The following NUP210L variants were observed in gnomAD, a reference collection of about 807,000 sequenced individuals.
The protein encoded by NUP210L is nuclear pore membrane glycoprotein 210-like.
NUP210L carries 74 observed loss-of-function variants against 208.5 expected under a neutral mutation model. The ratio of observed to expected loss-of-function variants is 0.35; its 90% confidence interval spans 0.29 to 0.43. NUP210L has a LOEUF of 0.43. Among genes scored for constraint, NUP210L ranks in the 20% least tolerant of loss-of-function variants. The pLI is 1.00. For missense variants in NUP210L, 1,843 were observed against 2,289.4 expected, an observed-to-expected ratio of 0.81 and a Z score of 3.98; for synonymous variants, 780 against 816.9, an observed-to-expected ratio of 0.95 and a Z score of 0.77.
chr1:154,046,095 A>G, exon 27 of NUP210L: 1 of 1,614,192 alleles, frequency 6.2e-7, no homozygotes, highest in Non-Finnish European at 8.5e-7. Context: ...ACTAGATCCA[A>G]TACATCCCTT....
intron 12 of NUP210L, among the ~76,000 whole-genome samples, chr1:154,109,946 A>T (rs1656956461): frequency 6.6e-6 from 1 of 151,482 alleles, no homozygotes; most frequent in Non-Finnish European, 1.5e-5. Flanking sequence ...ACATCAAAAA[A>T]GTAGAGGCCA....
At chr1:154,050,267 C>T (rs1235992277) in intron 25 of NUP210L, among the ~76,000 whole-genome samples, 2 of 152,132 alleles carry the variant, frequency 1.3e-5, no homozygotes, top group African/African-American at 4.8e-5. Flanking sequence ...TGGATATGAC[C>T]TGCTCTAGGC....
rs1007477132 is a variant in NUP210L, at chr1:154,010,463, T to C, written c.4781-342A>G. Among the ~76,000 whole-genome samples the C allele has an allele frequency of 1.4e-4, 21 of 152,230 alleles. No homozygotes were observed. In the Middle Eastern group the frequency reaches 0.01, roughly 74 times the overall value. Reference sequence around the variant, plus strand: ...ATTTTGGCTCACTGCAACTTCCATCTCCCGGTTCAGGCAATTCTTCCTGCC... The same window carrying C: ...ATTTTGGCTCACTGCAACTTCCATCCCCCGGTTCAGGCAATTCTTCCTGCC... On this transcript the variant is annotated intron_variant, in intron 34 of 39. Coordinates refer to ENST00000368559, the Ensembl canonical transcript of NUP210L.
chr1:154,125,444 T>C (rs1336292237), intron 10 of NUP210L, among the ~76,000 whole-genome samples: 1 of 150,678 alleles, frequency 6.6e-6, no homozygotes, highest in African/African-American at 2.4e-5. Flanking sequence ...AGTGAGACTC[T>C]GCCTCGAAAA....
At chr1:154,087,266 G>T (rs1313485055) in intron 16 of NUP210L, among the ~76,000 whole-genome samples, 1 of 147,848 alleles carries the variant, frequency 6.8e-6, no homozygotes. Context: ...GTTGCAGTGA[G>T]CTGAGATTGC....
exon 25 of NUP210L, chr1:154,054,362 A>G: frequency 6.2e-7 from 1 of 1,614,150 alleles, no homozygotes; most frequent in Non-Finnish European, 8.5e-7. Context: ...TTACTGATGG[A>G]GAAGTGAACG....
intron 7 of NUP210L, among the ~76,000 whole-genome samples, chr1:154,131,801 T>C (rs1427219173): frequency 2.0e-5 from 3 of 151,922 alleles, no homozygotes; most frequent in African/African-American, 7.2e-5. Flanking sequence ...TCTTTTTTTC[T>C]TTTTTCTTTT....
At chr1:154,137,840 C>A (rs979207906) in intron 6 of NUP210L, among the ~76,000 whole-genome samples, 1 of 152,178 alleles carries the variant, frequency 6.6e-6, no homozygotes, top group African/African-American at 2.4e-5. Flanking sequence ...GAATTACAAG[C>A]GAGAGCCACC....
chr1:154,006,835 T>C (rs1571158113), intron 35 of NUP210L, among the ~76,000 whole-genome samples: 1 of 138,398 alleles, frequency 7.2e-6, no homozygotes, highest in African/African-American at 2.7e-5. Context: ...TATATATATA[T>C]ATATATGTAT....
At chr1:154,026,767 A>G (rs1651897379) in intron 29 of NUP210L, among the ~76,000 whole-genome samples, 1 of 152,306 alleles carries the variant, frequency 6.6e-6, no homozygotes, top group African/African-American at 2.4e-5. Flanking sequence ...ATGAACCTCA[A>G]AAACATTATG....
At chr1:154,127,358 T>A (rs749582051) in exon 9 of NUP210L, 1 of 1,607,804 alleles carries the variant, frequency 6.2e-7, no homozygotes, top group South Asian at 1.1e-5. Context: ...ACGTCTACTG[T>A]AATGACATAT....
chr1:154,087,448 G>A (rs1286361069), intron 16 of NUP210L, among the ~76,000 whole-genome samples: 2 of 152,028 alleles, frequency 1.3e-5, no homozygotes, highest in Non-Finnish European at 2.9e-5. Context: ...AGTAATTGTT[G>A]GCAAGGATAT....
chr1:154,018,837 T>C (rs1651403901), intron 33 of NUP210L, 96 bp downstream of exon 33: 1 of 1,371,466 alleles, frequency 7.3e-7, no homozygotes, highest in African/African-American at 1.4e-5. Context: ...GTTTTATGAG[T>C]GTATTTCCTT....
At chr1:154,020,095 T>C (rs756814327) in intron 32 of NUP210L, among the ~76,000 whole-genome samples, 7 of 152,212 alleles carry the variant, frequency 4.6e-5, no homozygotes, top group Non-Finnish European at 1.0e-4. Context: ...TCAGCTGTTA[T>C]AGCATTGGGG....
chr1:154,079,564 C>G (rs886861846), intron 16 of NUP210L: 1 of 151,974 alleles, frequency 6.6e-6, no homozygotes, highest in Non-Finnish European at 1.5e-5. Context: ...CAACTGAAAT[C>G]TTTACAGAAA....
intron 10 of NUP210L, among the ~76,000 whole-genome samples, chr1:154,122,905 G>A (rs543201770): frequency 6.6e-6 from 1 of 151,846 alleles, no homozygotes; most frequent in African/African-American, 2.4e-5. Context: ...AAAAAAATTA[G>A]CTGGGAGTGG....
chr1:154,002,594 C>T (rs1650283004), intron 35 of NUP210L, among the ~76,000 whole-genome samples: 1 of 151,704 alleles, frequency 6.6e-6, no homozygotes, highest in Non-Finnish European at 1.5e-5. Context: ...CACTGCATTC[C>T]AGCTTGGGGA....
chr1:154,072,540 G>T (rs1273469266), intron 16 of NUP210L, among the ~76,000 whole-genome samples: 2 of 151,908 alleles, frequency 1.3e-5, no homozygotes, highest in African/African-American at 4.8e-5. Context: ...CACCGTGTTA[G>T]CCAGGATGGT....
intron 11 of NUP210L, 32 bp from the exon 12 acceptor site, chr1:154,117,912 T>C: frequency 6.6e-7 from 1 of 1,516,738 alleles, no homozygotes; most frequent in Non-Finnish European, 9.0e-7. Context: ...TTAATTACAA[T>C]CGGAAGAAAA....
Sources: gnomAD v4.1 joint callset for allele counts (sites outside exome capture counted in the v4.1 genomes callset) on GRCh38, gnomAD v4.1.1 for gene constraint, MANE v1.5 for transcripts, NCBI Gene and HGNC (gene_info 2026-07-23, HGNC 2026-07-21) for gene names.